Variants in WDPCP observed in about 807,000 individuals in gnomAD.
The protein encoded by WDPCP is WD repeat containing planar cell polarity effector.
In WDPCP, 71 loss-of-function variants were observed where a neutral mutation model predicts 93.1. That is an observed-to-expected ratio of 0.76 (90% CI 0.63 to 0.93). The LOEUF (loss-of-function observed/expected upper bound fraction) is 0.93. Ranked by LOEUF, WDPCP falls within the 40% of genes least tolerant of loss-of-function variation. WDPCP has a pLI of 0.00. For synonymous variants in WDPCP, 315 were observed against 315.0 expected (o/e 1.00, Z 0.00); for missense variants, 844 against 887.4 (o/e 0.95, Z 0.62).
intron 2 of WDPCP, among the ~76,000 whole-genome samples, chr2:63,724,594 C>G (rs191698188): frequency 3.7e-4 from 57 of 152,202 alleles, no homozygotes; most frequent in Non-Finnish European, 7.4e-4. Context: ...GATATAAAAC[C>G]TGGGTATCTG....
chr2:63,839,740 T>C, the WDPCP span, among the ~76,000 whole-genome samples: 1 of 152,370 alleles, frequency 6.6e-6, no homozygotes, highest in South Asian at 2.1e-4. Context: ...ATACAAAGGA[T>C]GTAGAGATTT....
chr2:63,682,304 T>C (rs921362420), intron 2 of WDPCP, among the ~76,000 whole-genome samples: 1 of 152,256 alleles, frequency 6.6e-6, no homozygotes, highest in East Asian at 1.9e-4. Context: ...AGAGAAGGAA[T>C]TCATAATTCT....
rs1314930833 is a variant in WDPCP, at chr2:63,796,225, C to T, written n.308+17397G>A. ...TTATACTAAGTACGAAGCTGACATG[C>T]TAAGAAGAGGAAAACAATGGAAAGA... On this transcript the variant is annotated intron_variant and non_coding_transcript_variant, in intron 2 of 4. Transcript: ENST00000467687. 3.9e-5 allele frequency among the ~76,000 whole-genome samples: 6 copies of T among 152,172 alleles called. No individual in the cohort carries two copies. In the South Asian group the frequency reaches 8.3e-4, roughly 21 times the overall value.
chr2:63,348,956 C>T (rs1689384666), intron 12 of WDPCP, among the ~76,000 whole-genome samples: 1 of 152,122 alleles, frequency 6.6e-6, no homozygotes, highest in South Asian at 2.1e-4. Context: ...GACCTGAAAA[C>T]ATGTTGAGAT....
chr2:63,516,411 C>T (rs975983710), intron 1 of WDPCP, among the ~76,000 whole-genome samples: 5 of 152,162 alleles, frequency 3.3e-5, no homozygotes, highest in East Asian at 1.9e-4. Context: ...CTTCTACCTA[C>T]TTTTAAAGTT....
rs907314373 is a variant in WDPCP, at chr2:63,121,887, A to C, written c.*119T>G. On this transcript the variant is annotated 3_prime_UTR_variant, in exon 18 of 18. Coordinates refer to ENST00000272321, the MANE Select transcript of WDPCP (RefSeq NM_015910.7). ...AACAAACACTCAACTCAAAACTCTT[A>C]ACTAATTTATATGATTCATACTGTC... 8.1e-5 allele frequency: 122 copies of C among 1,514,542 alleles called. No individual in the cohort carries two copies. Among genetic ancestry groups the C allele is most frequent in the Non-Finnish European group, 1.1e-4 (119 of 1,132,028 alleles). 93.8% of individuals were successfully genotyped at this position (1,514,542 alleles called of 1,614,324 possible).
rs1212134783 is a variant in WDPCP at position 63,391,851 on chromosome 2, G to A, written c.1436-9757C>T. Among the ~76,000 whole-genome samples, 4 of 152,150 alleles carry A rather than the reference G, an allele frequency of 2.6e-5. No homozygotes were observed. In the South Asian group the frequency reaches 6.2e-4, roughly 24 times the overall value. On this transcript the variant is annotated intron_variant, in intron 10 of 17. Transcript: ENST00000272321. ...AAGGGATGTGAAGGACCTCTTCAAG[G>A]AGAACTAGAAACCACTGCTCAAGGA...
intron 3 of WDPCP, chr2:63,622,945 A>G: frequency 1.1e-6 from 1 of 894,778 alleles, no homozygotes; most frequent in Non-Finnish European, 1.7e-6. Flanking sequence ...CCAGGCTCGT[A>G]GCTCAGTCAC....
chr2:63,777,759 T>C lies in WDPCP; in HGVS notation n.308+35863A>G, dbSNP rs80048312. Among the ~76,000 whole-genome samples, 235 of 152,218 alleles carry C rather than the reference T, an allele frequency of 1.5e-3. 6 individuals carry two copies. In the East Asian group the frequency reaches 0.041, roughly 26 times the overall value. ...AGGCAGATCAGTGGTTGCCTGAAGA[T>C]GAGGGGAGTAAAAAGAGTGAAAGGG... is the stretch of plus-strand genomic sequence containing the variant. On this transcript the variant is annotated intron_variant and non_coding_transcript_variant, in intron 2 of 4. Coordinates refer to the WDPCP transcript ENST00000467687.
chr2:63,506,575 C>T (rs1254559909), intron 1 of WDPCP, among the ~76,000 whole-genome samples: 3 of 151,900 alleles, frequency 2.0e-5, no homozygotes, highest in South Asian at 4.2e-4. Context: ...GTACCAATGG[C>T]GGGGTGGAGG....
At chr2:63,363,731 G>A (rs1690670561) in intron 12 of WDPCP, among the ~76,000 whole-genome samples, 1 of 83,100 alleles carries the variant, frequency 1.2e-5, no homozygotes, top group Non-Finnish European at 2.1e-5. Flanking sequence ...AGGAGATTAG[G>A]AAGAATATAT....
At chr2:63,694,790 G>A (rs1233572175) in intron 2 of WDPCP, among the ~76,000 whole-genome samples, 1 of 152,126 alleles carries the variant, frequency 6.6e-6, no homozygotes, top group Non-Finnish European at 1.5e-5. Flanking sequence ...AACATTGTTG[G>A]AGAGGAAAAT....
At chr2:63,396,492 G>A (rs904046169) in intron 10 of WDPCP, among the ~76,000 whole-genome samples, 4 of 152,086 alleles carry the variant, frequency 2.6e-5, no homozygotes, top group Non-Finnish European at 5.9e-5. Flanking sequence ...CACTCTATGA[G>A]GGCATTGTGG....
intron 14 of WDPCP, among the ~76,000 whole-genome samples, chr2:63,218,101 A>C (rs1301886532): frequency 6.6e-6 from 1 of 152,174 alleles, no homozygotes; most frequent in Non-Finnish European, 1.5e-5. Flanking sequence ...TTTATGGTAA[A>C]TGGATTAAAA....
chr2:63,307,886 A>G (rs1032623541), intron 13 of WDPCP, among the ~76,000 whole-genome samples: 1 of 152,256 alleles, frequency 6.6e-6, no homozygotes, highest in African/African-American at 2.4e-5. Flanking sequence ...GGATCTAACT[A>G]CACTAAAGAG....
chr2:63,663,596 G>T (rs764481562), intron 2 of WDPCP, among the ~76,000 whole-genome samples: 4 of 152,164 alleles, frequency 2.6e-5, no homozygotes, highest in South Asian at 2.1e-4. Flanking sequence ...ATGGAGAAAG[G>T]ACATGGAGGA....
chr2:63,187,034 A>C (rs1164480584), intron 14 of WDPCP, among the ~76,000 whole-genome samples: 1 of 152,104 alleles, frequency 6.6e-6, no homozygotes, highest in Non-Finnish European at 1.5e-5. Context: ...TCACATATTT[A>C]AGAGCTCTGA....
Position 63,297,908 on chromosome 2 carries a change from A to G in WDPCP, c.1812+15340T>C, listed in dbSNP as rs76114851. Among the ~76,000 whole-genome samples, 1,078 of 152,300 alleles carry G rather than the reference A, an allele frequency of 7.1e-3. 3 individuals are homozygous for G. Among genetic ancestry groups the G allele is most frequent in the Non-Finnish European group, 9.8e-3 (666 of 68,028 alleles). ...TTTGGGTGGTCTCTACAGTAAGAAG[A>G]AGAATAGCATGATTGGTATCATTAA... On this transcript the variant is annotated intron_variant, in intron 13 of 17. Coordinates refer to ENST00000272321, the MANE Select transcript of WDPCP (RefSeq NM_015910.7).
chr2:63,468,730 TTCTG>T (rs1699511047), intron 6 of WDPCP, among the ~76,000 whole-genome samples: 1 of 152,126 alleles, frequency 6.6e-6, no homozygotes. Context: ...ATGTTTTTCT[TTCTG>T]TCTGTCTCTC....
Sources: gnomAD v4.1 joint callset for allele counts (sites outside exome capture counted in the v4.1 genomes callset) on GRCh38, gnomAD v4.1.1 for gene constraint, MANE v1.5 for transcripts, NCBI Gene and HGNC (gene_info 2026-07-23, HGNC 2026-07-21) for gene names.